The following GPR137C variants were observed in gnomAD, a reference collection of about 807,000 sequenced individuals.
GPR137C encodes the protein integral membrane protein GPR137C.
GPR137C carries 27 observed loss-of-function variants against 43.4 expected under a neutral mutation model. The ratio of observed to expected loss-of-function variants is 0.62; its 90% CI spans 0.46 to 0.86. The LOEUF is 0.86. Among genes scored for constraint, GPR137C ranks in the 40% least tolerant of loss-of-function variants. GPR137C has a pLI of 0.00. For synonymous variants in GPR137C, 285 were observed against 226.9 expected, an observed-to-expected ratio of 1.26 and a Z score of -2.30; for missense variants, 522 against 534.6, an observed-to-expected ratio of 0.98 and a Z score of 0.23.
At chr14:52,587,704 A>T (rs1020212417) in intron 1 of GPR137C, among the ~76,000 whole-genome samples, 1 of 152,192 alleles carries the variant, frequency 6.6e-6, no homozygotes, top group Non-Finnish European at 1.5e-5. Flanking sequence ...ATGGAGGTGG[A>T]TGTTGCAGTG....
At chr14:52,614,394 T>C (rs1379785687) in intron 3 of GPR137C, among the ~76,000 whole-genome samples, 1 of 152,160 alleles carries the variant, frequency 6.6e-6, no homozygotes, top group African/African-American at 2.4e-5. Context: ...TTGCTGGGAT[T>C]ACAGGTGTGA....
intron 1 of GPR137C, among the ~76,000 whole-genome samples, chr14:52,570,155 A>C (rs1163232851): frequency 1.3e-5 from 2 of 152,232 alleles, no homozygotes; most frequent in Non-Finnish European, 2.9e-5. Flanking sequence ...TCTCTGCAGA[A>C]ACCCTATAAG....
intron 1 of GPR137C, among the ~76,000 whole-genome samples, chr14:52,570,375 G>A (rs1425156775): frequency 6.6e-6 from 1 of 152,120 alleles, no homozygotes; most frequent in African/African-American, 2.4e-5. Flanking sequence ...ACAACCGGTA[G>A]CAGCCACTGC....
intron 1 of GPR137C, among the ~76,000 whole-genome samples, chr14:52,570,697 C>T (rs1315406080): frequency 6.6e-6 from 1 of 152,074 alleles, no homozygotes; most frequent in Non-Finnish European, 1.5e-5. Context: ...GGTTGCAATC[C>T]TAGTCTCTGA....
chr14:52,561,667 CACA>C (rs1321513957), intron 1 of GPR137C, among the ~76,000 whole-genome samples: 1 of 152,170 alleles, frequency 6.6e-6, no homozygotes, highest in East Asian at 1.9e-4. Context: ...AAACTACTGA[CACA>C]ACAACGTGGA....
intron 6 of GPR137C, among the ~76,000 whole-genome samples, chr14:52,634,436 G>A (rs757968816): frequency 2.0e-5 from 3 of 151,988 alleles, no homozygotes; most frequent in Non-Finnish European, 4.4e-5. Context: ...AAGCTTAATG[G>A]CTGAAGCCAT....
At chr14:52,601,478 ATG>A (rs149787520) in intron 3 of GPR137C, among the ~76,000 whole-genome samples, 15,092 of 148,086 alleles carry the variant, frequency 0.1, 1,001 homozygotes, top group East Asian at 0.34. Flanking sequence ...GGGAGATATT[ATG>A]TGTGTGTGTG....
At chr14:52,555,844 T>A (rs1308946307) in intron 1 of GPR137C, among the ~76,000 whole-genome samples, 1 of 152,210 alleles carries the variant, frequency 6.6e-6, no homozygotes. Context: ...AAATTGTCAA[T>A]TTTTTGAAAG....
intron 1 of GPR137C, among the ~76,000 whole-genome samples, chr14:52,561,798 C>G (rs529573649): frequency 6.6e-6 from 1 of 152,198 alleles, no homozygotes; most frequent in African/African-American, 2.4e-5. Context: ...AAAAGCAGAT[C>G]ACTAGTTTCC....
chr14:52,624,081 AATC>A, intron 3 of GPR137C, among the ~76,000 whole-genome samples: 1 of 151,612 alleles, frequency 6.6e-6, no homozygotes, highest in East Asian at 1.9e-4. Context: ...AATATTCTAA[AATC>A]AGTTTTATTT....
At chr14:52,565,541 A>G (rs1033416103) in intron 1 of GPR137C, among the ~76,000 whole-genome samples, 2 of 152,136 alleles carry the variant, frequency 1.3e-5, no homozygotes, top group Non-Finnish European at 2.9e-5. Flanking sequence ...ATCAGCCACT[A>G]TTTTACATTT....
At chr14:52,580,701 C>G (rs974148921) in intron 1 of GPR137C, among the ~76,000 whole-genome samples, 1 of 150,644 alleles carries the variant, frequency 6.6e-6, no homozygotes, top group Non-Finnish European at 1.5e-5. Flanking sequence ...TATTAAGACC[C>G]TAAGAGAGAT....
intron 1 of GPR137C, among the ~76,000 whole-genome samples, chr14:52,597,888 C>T (rs2038875650): frequency 6.6e-6 from 1 of 152,140 alleles, no homozygotes; most frequent in East Asian, 1.9e-4. Context: ...GGAGAATACT[C>T]AGCCATATTC....
intron 1 of GPR137C, among the ~76,000 whole-genome samples, chr14:52,561,440 TCAAAA>T (rs771384337): frequency 2.0e-4 from 31 of 152,150 alleles, no homozygotes; most frequent in Non-Finnish European, 3.2e-4. Flanking sequence ...AGACCCTGTC[TCAAAA>T]CAAAACTTAT....
chr14:52,586,706 C>T (rs1174255862), intron 1 of GPR137C, among the ~76,000 whole-genome samples: 1 of 152,188 alleles, frequency 6.6e-6, no homozygotes, highest in East Asian at 1.9e-4. Flanking sequence ...GCTGTCACCT[C>T]TATAGGTGAC....
chr14:52,611,827 T>C, intron 3 of GPR137C: 1 of 575,152 alleles, frequency 1.7e-6, no homozygotes, highest in Non-Finnish European at 2.2e-6. Flanking sequence ...ATCATGTCCA[T>C]AGTGGTGTTG....
At chr14:52,599,995 C>T in intron 2 of GPR137C, 118 bp from the exon 3 acceptor site, 1 of 664,538 alleles carries the variant, frequency 1.5e-6, no homozygotes, top group Non-Finnish European at 2.6e-6. Flanking sequence ...AAAATCTATG[C>T]CATTCATAAA....
At chr14:52,618,481 A>G (rs930933146) in intron 3 of GPR137C, among the ~76,000 whole-genome samples, 17 of 152,138 alleles carry the variant, frequency 1.1e-4, no homozygotes, top group Admixed American at 6.5e-5. Flanking sequence ...GGGTAACTCA[A>G]ATAGTTTCCA....
chr14:52,610,506 CCATTT>C (rs777796474), intron 3 of GPR137C, among the ~76,000 whole-genome samples: 32 of 152,156 alleles, frequency 2.1e-4, no homozygotes, highest in Middle Eastern at 6.8e-3. Context: ...TATAATTATT[CCATTT>C]ATTACTATTT....
Sources: allele counts gnomAD v4.1 joint callset (sites outside exome capture counted in the v4.1 genomes callset), GRCh38; gene constraint gnomAD v4.1.1; transcripts MANE v1.5; gene names NCBI Gene and HGNC (gene_info 2026-07-23, HGNC 2026-07-21).